The following SLC17A5 variants were observed in gnomAD, a reference collection of about 807,000 sequenced individuals.
SLC17A5 encodes the protein sialin.
SLC17A5 carries 47 observed loss-of-function variants against 59.4 expected under a neutral mutation model. The observed-to-expected ratio is 0.79, with a 90% CI of 0.63 to 1.01. The LOEUF is 1.01. SLC17A5 is among the 50% of genes least tolerant of loss of function. The pLI, the probability that SLC17A5 is intolerant of heterozygous loss-of-function variation, is 0.00. For synonymous variants in SLC17A5, 202 were observed against 210.7 expected (o/e 0.96, Z 0.36); for missense variants, 522 against 595.5 (o/e 0.88, Z 1.28).
chr6:73,644,443 C>T lies in SLC17A5; in HGVS notation c.255G>A (p.Glu85=). The change falls in exon 2 of 11, where the codon GAG becomes GAA. Residue 85 remains glutamate (E), a synonymous_variant. Transcript: ENST00000355773. ...EDNRTSKACP[E]HSAPIKVHHN... is the part of the protein sequence containing the mutation. The stretch of plus-strand genomic sequence containing the variant: ...GATGAACTTTTATGGGAGCAGAATG[C>T]TCTGGACACGCCTTGGAAGTTCTAT... The T allele has an allele frequency of 1.2e-6, 2 of 1,613,982 alleles. No homozygotes were observed. Among genetic ancestry groups the T allele is most frequent in the Non-Finnish European group, 1.7e-6 (2 of 1,179,960 alleles).
intron 8 of SLC17A5, among the ~76,000 whole-genome samples, chr6:73,613,698 A>G (rs1767729962): frequency 6.6e-6 from 1 of 152,232 alleles, no homozygotes; most frequent in Non-Finnish European, 1.5e-5. Flanking sequence ...TGTATGATTC[A>G]AAAAGAAACA....
intron 6 of SLC17A5, chr6:73,635,118 T>C (rs764776934): frequency 1.1e-4 from 23 of 212,470 alleles, no homozygotes; most frequent in Admixed American, 5.1e-4. Flanking sequence ...TTTAAATGTT[T>C]TGTAGAGAAA....
At chr6:73,603,840 C>T (rs1767269272) in intron 9 of SLC17A5, among the ~76,000 whole-genome samples, 1 of 151,784 alleles carries the variant, frequency 6.6e-6, no homozygotes, top group South Asian at 2.1e-4. Context: ...ATTTCCTGTA[C>T]ACTGATAGTT....
chr6:73,596,627 C>T (rs188652477), intron 10 of SLC17A5, among the ~76,000 whole-genome samples: 580 of 150,776 alleles, frequency 3.8e-3, no homozygotes, highest in South Asian at 0.01. Context: ...GAGGCCGAGG[C>T]GGGCGGATCA....
chr6:73,602,998 T>C (rs1461774264), intron 9 of SLC17A5, among the ~76,000 whole-genome samples: 1 of 152,150 alleles, frequency 6.6e-6, no homozygotes, highest in East Asian at 1.9e-4. Context: ...TGAAGTAAAA[T>C]TACCTATAAT....
At chr6:73,639,648 A>T (rs1265579263) in intron 3 of SLC17A5, among the ~76,000 whole-genome samples, 1 of 152,240 alleles carries the variant, frequency 6.6e-6, no homozygotes, top group East Asian at 1.9e-4. Context: ...GGAATGCAAG[A>T]TAGTAATCTA....
At position 73,593,715 on chromosome 6, in the gene SLC17A5, GAC is replaced by G. The variant is rs369619857; in HGVS notation, c.*1360_*1361del. 5.3e-5 allele frequency: 8 copies of G among 152,170 alleles called. 1 individual carries two copies. Among genetic ancestry groups the G allele is most frequent in the African/African-American group, 1.9e-4 (8 of 41,516 alleles). 9.4% of individuals were successfully genotyped at this position (152,170 alleles called of 1,614,324 possible). Reference sequence around the variant, plus strand: ...AAACTGCAACACAAACTTAGATGAAGACAGACTGAACAAACAGTGAGAATTAA... The same window carrying G: ...AAACTGCAACACAAACTTAGATGAAGAGACTGAACAAACAGTGAGAATTAA... On this transcript the variant is annotated 3_prime_UTR_variant, in exon 11 of 11. Coordinates refer to ENST00000355773, the MANE Select transcript of SLC17A5 (RefSeq NM_012434.5).
At chr6:73,635,122 A>G (rs1048457904) in intron 6 of SLC17A5, 8 of 221,122 alleles carry the variant, frequency 3.6e-5, no homozygotes, top group African/African-American at 1.8e-4. Context: ...AATGTTTTGT[A>G]GAGAAAGGGT....
chr6:73,604,656 G>A (rs1246130284), intron 9 of SLC17A5, among the ~76,000 whole-genome samples: 1 of 149,268 alleles, frequency 6.7e-6, no homozygotes, highest in Non-Finnish European at 1.5e-5. Context: ...TCAGGAGGCT[G>A]AGGTGGAGGA....
chr6:73,641,835 T>C lies in SLC17A5; in HGVS notation c.381A>G (p.Gly127=). 1 of 1,614,048 alleles carries C rather than the reference T, an allele frequency of 6.2e-7. No individual in the cohort carries two copies. Among genetic ancestry groups the C allele is most frequent in the Non-Finnish European group, 8.5e-7 (1 of 1,180,020 alleles). The change falls in exon 3 of 11, where the codon GGA becomes GGG. Residue 127 remains glycine, a synonymous_variant. Transcript: ENST00000355773. ...YGYIITQIPG[G]YVASKIGGKM... is the part of the protein sequence containing the mutation. ...TCCCCCCTATTTTGCTGGCAACATA[T>C]CCTCCAGGAATCTGTGTGATGATGT...
chr6:73,605,395 A>G (rs113015416), intron 9 of SLC17A5, among the ~76,000 whole-genome samples: 14 of 152,264 alleles, frequency 9.2e-5, no homozygotes, highest in African/African-American at 3.4e-4. Flanking sequence ...TGTTTTAACT[A>G]GTAGCGTATT....
intron 6 of SLC17A5, among the ~76,000 whole-genome samples, chr6:73,635,062 C>A (rs1428272580): frequency 6.6e-6 from 1 of 151,910 alleles, no homozygotes; most frequent in East Asian, 1.9e-4. Flanking sequence ...ATTCTTCAGA[C>A]AATACTTTGT....
chr6:73,615,318 T>A lies in SLC17A5; in HGVS notation c.1108A>T (p.Ile370Leu), dbSNP rs755513520. 20 of 1,613,944 alleles carry A rather than the reference T, an allele frequency of 1.2e-5. No homozygotes were observed. Among genetic ancestry groups the A allele is most frequent in the Admixed American group, 1.7e-5 (1 of 59,990 alleles). Residue 370 changes from isoleucine (I) to leucine (L), a missense_variant, in exon 8 of 11, where the codon ATA becomes TTA. Ile to Leu is a conservative substitution (Grantham distance 5). Around this residue, in one of 3 missense-constraint regions of SLC17A5, gnomAD observed 153 missense variants for 168.5 expected, o/e 0.91. Transcript: ENST00000355773. ...AAAACCTGATTGCTTCACTTACCTA[T>A]AAGGCTAAAAATTCTGCGAACACAT... The part of the protein sequence containing the change: ...TLCVRRIFSL[I>L]GMIGPAVFLV...
intron 6 of SLC17A5, among the ~76,000 whole-genome samples, chr6:73,622,588 C>A (rs565881646): frequency 9.9e-5 from 15 of 152,250 alleles, no homozygotes; most frequent in African/African-American, 3.6e-4. Flanking sequence ...CCGTGCCCGG[C>A]CTGAATTCTC....
chr6:73,632,568 G>A (rs1425396063), intron 6 of SLC17A5, among the ~76,000 whole-genome samples: 1 of 148,286 alleles, frequency 6.7e-6, no homozygotes, highest in Admixed American at 6.8e-5. Context: ...GCAGCCAGCC[G>A]AGTAGCTGGG....
chr6:73,608,750 C>T (rs1767510119), intron 9 of SLC17A5, among the ~76,000 whole-genome samples: 1 of 152,102 alleles, frequency 6.6e-6, no homozygotes, highest in Non-Finnish European at 1.5e-5. Flanking sequence ...GTGCTGTGGC[C>T]CACGCCTGTA....
chr6:73,621,788 G>A lies in SLC17A5; in HGVS notation c.978+16C>T, dbSNP rs1768165015. On this transcript the variant is annotated intron_variant, in intron 7 of 10. Coordinates refer to ENST00000355773, the MANE Select transcript of SLC17A5 (RefSeq NM_012434.5). ...TATACTATATATATAAGAAGCAGATGATTATTTTTTCTTACCTCTTGAACA... is the reference window on the plus strand; with the variant it reads ...TATACTATATATATAAGAAGCAGATAATTATTTTTTCTTACCTCTTGAACA... The A allele has an allele frequency of 1.3e-6, 2 of 1,576,782 alleles. No individual in the cohort carries two copies. The highest frequency in any genetic ancestry group is 1.7e-6 in the Non-Finnish European group (2 of 1,147,496).
At chr6:73,611,517 C>A (rs1448798710) in intron 8 of SLC17A5, among the ~76,000 whole-genome samples, 1 of 151,612 alleles carries the variant, frequency 6.6e-6, no homozygotes, top group Non-Finnish European at 1.5e-5. Context: ...TGACCTCAAG[C>A]GATCCACCCA....
At chr6:73,653,690 TCCCGCCGGCGCAGGG>T in intron 1 of SLC17A5, 88 bp downstream of exon 1, 1 of 1,238,558 alleles carries the variant, frequency 8.1e-7, no homozygotes, top group Non-Finnish European at 1.1e-6. Flanking sequence ...GCAGCTCCGG[TCCCGCCGGCGCAGGG>T]TGCGGGTACC....
Sources: gnomAD v4.1 joint callset for allele counts (sites outside exome capture counted in the v4.1 genomes callset) on GRCh38, gnomAD v4.1.1 for gene constraint, gnomAD v4.1.1 regional missense constraint, MANE v1.5 for transcripts, NCBI Gene and HGNC (gene_info 2026-07-23, HGNC 2026-07-21) for gene names.